The following GRM7 variants were observed in gnomAD, a reference collection of about 807,000 sequenced individuals.
GRM7 encodes glutamate metabotropic receptor 7, also known as metabotropic glutamate receptor 7.
A neutral mutation model predicts 84.5 loss-of-function variants in GRM7; 35 were observed. The observed-to-expected ratio is 0.41, with a 90% CI of 0.32 to 0.55. The LOEUF (loss-of-function observed/expected upper bound fraction) is 0.55. Among genes scored for constraint, GRM7 ranks in the 20% least tolerant of loss-of-function variants. The pLI, the probability that GRM7 is intolerant of heterozygous loss-of-function variation, is 0.19. For synonymous variants in GRM7, 487 were observed against 455.1 expected (o/e 1.07, Z -0.89); for missense variants, 1,003 against 1,194.6 (o/e 0.84, Z 2.36).
In GRM7 at chr3:7,259,953, G is replaced by GTT. The variant is rs1164961076; in HGVS notation, c.737-38720_737-38719dup. On this transcript the variant is annotated intron_variant, in intron 2 of 9. Transcript: ENST00000357716. ...TTTCTCTGCAACCTTACCAGCATCT[G>GTT]TTTTTTTTTTTTGACGTTTTAATAA... 6.0e-3 allele frequency among the ~76,000 whole-genome samples: 538 copies of GTT among 89,668 alleles called. 74 individuals carry two copies. The highest frequency in any genetic ancestry group is 0.025 in the African/African-American group (420 of 17,074). The allele number at this position is 89,668 out of a possible 152,430, so 58.8% of individuals were successfully genotyped here.
chr3:7,530,148 T>G (rs940744565), intron 7 of GRM7, among the ~76,000 whole-genome samples: 1 of 141,680 alleles, frequency 7.1e-6, no homozygotes, highest in African/African-American at 2.6e-5. Flanking sequence ...TGTGTCCATG[T>G]GTTCTCATTG....
At chr3:7,634,479 CAAA>C (rs869045574) in intron 8 of GRM7, among the ~76,000 whole-genome samples, 1 of 30,334 alleles carries the variant, frequency 3.3e-5, no homozygotes, top group Non-Finnish European at 5.2e-5. Flanking sequence ...ACTTTTTTTC[CAAA>C]AAAAAAAAAA....
chr3:7,108,702 TC>T (rs1692740731), intron 1 of GRM7, among the ~76,000 whole-genome samples: 1 of 152,050 alleles, frequency 6.6e-6, no homozygotes, highest in East Asian at 1.9e-4. Flanking sequence ...GACAGCTACT[TC>T]GGGCAAGTAA....
intron 2 of GRM7, among the ~76,000 whole-genome samples, chr3:7,209,187 T>C (rs1696339748): frequency 6.6e-6 from 1 of 152,194 alleles, no homozygotes; most frequent in African/African-American, 2.4e-5. Flanking sequence ...AAAGTACAAA[T>C]CAGAGTGGTT....
At chr3:7,353,617 C>T (rs1370075122) in intron 4 of GRM7, among the ~76,000 whole-genome samples, 1 of 152,056 alleles carries the variant, frequency 6.6e-6, no homozygotes, top group African/African-American at 2.4e-5. Flanking sequence ...CTAGGAGGCT[C>T]CAGAAAACAT....
intron 4 of GRM7, among the ~76,000 whole-genome samples, chr3:7,338,819 A>C (rs2125075862): frequency 6.6e-6 from 1 of 152,242 alleles, no homozygotes; most frequent in African/African-American, 2.4e-5. Flanking sequence ...CCAACAAATT[A>C]TCTCCCTTTG....
chr3:7,728,370 A>T (rs1559508764), intron 9 of GRM7, among the ~76,000 whole-genome samples: 1 of 152,170 alleles, frequency 6.6e-6, no homozygotes, highest in African/African-American at 2.4e-5. Flanking sequence ...ATATGTTTCA[A>T]ACTATATACC....
intron 1 of GRM7, among the ~76,000 whole-genome samples, chr3:7,117,663 C>T (rs749822669): frequency 6.6e-6 from 1 of 152,144 alleles, no homozygotes; most frequent in Non-Finnish European, 1.5e-5. Context: ...GACGGAAGAA[C>T]ACGACAGTTC....
At chr3:7,434,611 ATAT>A (rs1190183734) in intron 5 of GRM7, among the ~76,000 whole-genome samples, 1 of 152,170 alleles carries the variant, frequency 6.6e-6, no homozygotes, top group Non-Finnish European at 1.5e-5. Context: ...TCATTTTCAA[ATAT>A]TAAGTTTGCA....
chr3:7,417,587 C>G (rs1007294577), intron 5 of GRM7, among the ~76,000 whole-genome samples: 23 of 152,126 alleles, frequency 1.5e-4, no homozygotes, highest in African/African-American at 5.6e-4. Context: ...GATGAGCAGG[C>G]TAGCTGAGTA....
In GRM7 at chr3:6,934,373, G is replaced by A. The variant is rs139699270; in HGVS notation, c.519+72466G>A. On this transcript the variant is annotated intron_variant, in intron 1 of 9. Coordinates refer to ENST00000357716, the MANE Select transcript of GRM7 (RefSeq NM_000844.4). ...GGCTGTACTGGGCACAGATACAATA[G>A]TAAGGTACCATGAAAACTGCCCCCC... Among the ~76,000 whole-genome samples the A allele has an allele frequency of 4.3e-4, 66 of 152,088 alleles. No homozygotes were observed. The East Asian group carries it at 0.01, about 23-fold the overall frequency.
chr3:7,277,250 A>C (rs929217185), intron 2 of GRM7, among the ~76,000 whole-genome samples: 23 of 152,098 alleles, frequency 1.5e-4, no homozygotes, highest in Non-Finnish European at 3.1e-4. Flanking sequence ...TTCATGGACC[A>C]AAAAACCTTT....
rs766896334 is a variant in GRM7, at chr3:7,229,839, C to CTTT, written c.737-68829_737-68827dup. ...TTATGGGTCAGCAATCTTCCATCTT[C>CTTT]TTTTTTTTTTTTTTTTTTGAGACGG... On this transcript the variant is annotated intron_variant, in intron 2 of 9. Coordinates refer to ENST00000357716, the MANE Select transcript of GRM7 (RefSeq NM_000844.4). Among the ~76,000 whole-genome samples the CTTT allele has an allele frequency of 1.6e-3, 116 of 72,022 alleles. 12 individuals carry two copies. The highest frequency in any genetic ancestry group is 6.0e-3 in the African/African-American group (102 of 17,062). The allele number at this position is 72,022 out of a possible 152,430, so 47.2% of individuals were successfully genotyped here.
chr3:7,363,945 G>T (rs1693772117), intron 4 of GRM7, among the ~76,000 whole-genome samples: 2 of 151,890 alleles, frequency 1.3e-5, no homozygotes, highest in South Asian at 4.1e-4. Flanking sequence ...CAATTTTTCT[G>T]TTGATGGATT....
chr3:7,059,788 A>G (rs1391938), intron 1 of GRM7, among the ~76,000 whole-genome samples: 38,977 of 151,640 alleles, frequency 0.26, 5,515 homozygotes, highest in African/African-American at 0.38. Context: ...CCCTTCTGCC[A>G]TGTGAGAACT....
rs185742612 is a variant in GRM7, at chr3:7,083,777, G to A, written c.520-62675G>A. On this transcript the variant is annotated intron_variant, in intron 1 of 9. Transcript: ENST00000357716. ...CACATACATTTACTAAATTTTAGAC[G>A]TATTCTCTGTGAGTGCTACGACGAA... 3.8e-4 allele frequency among the ~76,000 whole-genome samples: 58 copies of A among 152,216 alleles called. 1 individual carries two copies. In the South Asian group the frequency reaches 6.4e-3, roughly 17 times the overall value.
chr3:6,939,234 T>C (rs1189558139), intron 1 of GRM7, among the ~76,000 whole-genome samples: 1 of 152,194 alleles, frequency 6.6e-6, no homozygotes, highest in Non-Finnish European at 1.5e-5. Context: ...CTTTAGGCTT[T>C]AGTTGTAATA....
chr3:7,221,804 A>ATT (rs540956206), intron 2 of GRM7, among the ~76,000 whole-genome samples: 88 of 97,358 alleles, frequency 9.0e-4, no homozygotes, highest in African/African-American at 2.0e-3. Context: ...AATTTCTTGT[A>ATT]TTTTTTTTTT....
intron 2 of GRM7, among the ~76,000 whole-genome samples, chr3:7,156,400 C>T (rs1047876288): frequency 5.9e-5 from 9 of 152,108 alleles, no homozygotes; most frequent in East Asian, 1.9e-4. Flanking sequence ...TTATTTTCTC[C>T]GAACAAATTC....
Sources: allele counts gnomAD v4.1 joint callset (sites outside exome capture counted in the v4.1 genomes callset), GRCh38; gene constraint gnomAD v4.1.1; transcripts MANE v1.5; gene names NCBI Gene and HGNC (gene_info 2026-07-23, HGNC 2026-07-21).